MNAT1: variants seen among roughly 807,000 people sequenced by gnomAD.
The protein encoded by MNAT1 is MNAT1 component of CDK activating kinase.
Under a neutral mutation model 42.0 loss-of-function variants are expected in MNAT1, and 43 were observed. That is an observed-to-expected ratio of 1.02 (90% CI 0.80 to 1.32). MNAT1 has a LOEUF of 1.32. Among genes scored for constraint, MNAT1 ranks in the 40% most tolerant of loss-of-function variants. MNAT1 has a pLI of 0.00. For synonymous variants in MNAT1, 118 were observed against 120.0 expected (o/e 0.98, Z 0.11); for missense variants, 306 against 350.4 (o/e 0.87, Z 1.01).
At chr14:60,965,437 GT>G (rs1484688084) in intron 7 of MNAT1, among the ~76,000 whole-genome samples, 1 of 152,170 alleles carries the variant, frequency 6.6e-6, no homozygotes, top group Non-Finnish European at 1.5e-5. Flanking sequence ...AGATGCAACT[GT>G]TTTGAATATT....
In MNAT1 at chr14:60,750,465, C is replaced by T. The variant is rs1158823854; in HGVS notation, c.89+15514C>T. 2.0e-5 allele frequency among the ~76,000 whole-genome samples: 3 copies of T among 149,250 alleles called. No individual in the cohort carries two copies. The Admixed American group carries it at 2.0e-4, about 10-fold the overall frequency. ...CAGGATCGTCTCGATCTCCTGACCT[C>T]GTGATCCGCTTGCCTCGGCCTCCCA... is the stretch of plus-strand genomic sequence containing the variant. On this transcript the variant is annotated intron_variant, in intron 1 of 7. Transcript: ENST00000261245.
chr14:60,943,002 TAGTG>T (rs1401192237), intron 7 of MNAT1, among the ~76,000 whole-genome samples: 1 of 86,966 alleles, frequency 1.1e-5, no homozygotes, highest in Non-Finnish European at 2.2e-5. Flanking sequence ...GAACCACATG[TAGTG>T]TGTGTGTGTG....
intron 6 of MNAT1, among the ~76,000 whole-genome samples, chr14:60,876,496 G>C (rs2034438993): frequency 6.6e-6 from 1 of 151,900 alleles, no homozygotes; most frequent in Non-Finnish European, 1.5e-5. Context: ...CATCCAAATT[G>C]TTCTGCATCT....
At chr14:60,953,164 A>G (rs544013037) in intron 7 of MNAT1, among the ~76,000 whole-genome samples, 22 of 152,334 alleles carry the variant, frequency 1.4e-4, no homozygotes, top group African/African-American at 3.4e-4. Context: ...AATAAAACTT[A>G]TAAGGGTATA....
chr14:60,861,573 T>TGG (rs1566799706), intron 6 of MNAT1, among the ~76,000 whole-genome samples: 1 of 151,976 alleles, frequency 6.6e-6, no homozygotes, highest in East Asian at 1.9e-4. Flanking sequence ...TTAAAAAAAT[T>TGG]TGAAAAGGTC....
chr14:60,835,166 C>T (rs1356781582), intron 6 of MNAT1, among the ~76,000 whole-genome samples: 1 of 152,050 alleles, frequency 6.6e-6, no homozygotes, highest in Non-Finnish European at 1.5e-5. Context: ...GATGGATCTC[C>T]TGAATACAGC....
At chr14:60,830,956 C>T (rs74873777) in intron 6 of MNAT1, among the ~76,000 whole-genome samples, 1,984 of 152,170 alleles carry the variant, frequency 0.013, 44 homozygotes, top group African/African-American at 0.046. Flanking sequence ...GATACATTCC[C>T]ATTCTGTCAG....
chr14:60,866,107 A>G (rs1279575937), intron 6 of MNAT1, among the ~76,000 whole-genome samples: 1 of 152,140 alleles, frequency 6.6e-6, no homozygotes, highest in African/African-American at 2.4e-5. Context: ...AGTAGCAAAA[A>G]TGCCTCTCTT....
intron 6 of MNAT1, among the ~76,000 whole-genome samples, chr14:60,864,210 T>C (rs2034157400): frequency 1.3e-5 from 2 of 151,790 alleles, no homozygotes; most frequent in Non-Finnish European, 2.9e-5. Context: ...ATTTAAAAAG[T>C]ACTTATATAC....
chr14:60,807,997 A>C (rs2032428539), intron 3 of MNAT1, among the ~76,000 whole-genome samples: 1 of 152,118 alleles, frequency 6.6e-6, no homozygotes, highest in Non-Finnish European at 1.5e-5. Context: ...TTTATATTAA[A>C]AAAATTTAAA....
chr14:60,770,737 T>A (rs2031020456), intron 1 of MNAT1, among the ~76,000 whole-genome samples: 1 of 152,184 alleles, frequency 6.6e-6, no homozygotes, highest in South Asian at 2.1e-4. Context: ...GGTTGCGTTA[T>A]TTTATATTTC....
At chr14:60,901,640 T>G (rs1478212805) in intron 7 of MNAT1, among the ~76,000 whole-genome samples, 1 of 152,204 alleles carries the variant, frequency 6.6e-6, no homozygotes, top group East Asian at 1.9e-4. Flanking sequence ...ATCAGCATTA[T>G]CAGGAATTTG....
intron 7 of MNAT1, among the ~76,000 whole-genome samples, chr14:60,955,860 C>T (rs1413403254): frequency 6.6e-6 from 1 of 151,424 alleles, no homozygotes; most frequent in African/African-American, 2.4e-5. Context: ...GTAATATCTC[C>T]TCCTTCATTT....
chr14:60,796,565 C>A (rs1176615476), intron 2 of MNAT1, among the ~76,000 whole-genome samples, 196 bp downstream of exon 2: 1 of 152,078 alleles, frequency 6.6e-6, no homozygotes, highest in Non-Finnish European at 1.5e-5. Context: ...CTTCATTATT[C>A]ATTTGTATTT....
At chr14:60,894,279 T>G (rs2034905834) in intron 7 of MNAT1, among the ~76,000 whole-genome samples, 1 of 149,476 alleles carries the variant, frequency 6.7e-6, no homozygotes, top group Non-Finnish European at 1.5e-5. Flanking sequence ...GCTTGGATGT[T>G]TTTTTTTTTT....
At chr14:60,873,841 A>G (rs1245821446) in intron 6 of MNAT1, among the ~76,000 whole-genome samples, 2 of 152,070 alleles carry the variant, frequency 1.3e-5, no homozygotes, top group African/African-American at 4.8e-5. Context: ...TTTCTCTTTA[A>G]ACATGATTTT....
rs1184229445 is a variant in MNAT1 at position 60,943,028 on chromosome 14, G to GCT, written c.810-25201_810-25200insCT. Among the ~76,000 whole-genome samples the GCT allele has an allele frequency of 2.7e-3, 352 of 131,494 alleles. 13 individuals carry two copies. The highest frequency in any genetic ancestry group is 9.5e-3 in the African/African-American group (326 of 34,168). The allele number at this position is 131,494 out of a possible 152,430, so 86.3% of individuals were successfully genotyped here. On this transcript the variant is annotated intron_variant, in intron 7 of 7. Coordinates refer to ENST00000261245, the MANE Select transcript of MNAT1 (RefSeq NM_002431.4). ...AGTGTGTGTGTGTGTGTGTGTGTGT[G>GCT]TGTGTGTGTGTGTGTGTGTGTGCGC... is the stretch of plus-strand genomic sequence containing the variant.
In MNAT1 at chr14:60,930,202, C is replaced by T. The variant is rs114865257; in HGVS notation, c.810-38027C>T. ...TCTTTATTACTAAAGATTCTTCTTC[C>T]GTCTTTATTATTATTATTATTATTA... On this transcript the variant is annotated intron_variant, in intron 7 of 7. Transcript: ENST00000261245. 4.9e-3 allele frequency among the ~76,000 whole-genome samples: 472 copies of T among 97,302 alleles called. 1 individual carries two copies. The highest frequency in any genetic ancestry group is 0.016 in the African/African-American group (440 of 27,352). The allele number at this position is 97,302 out of a possible 152,430, so 63.8% of individuals were successfully genotyped here.
At chr14:60,761,402 T>A (rs2030594407) in intron 1 of MNAT1, among the ~76,000 whole-genome samples, 1 of 152,218 alleles carries the variant, frequency 6.6e-6, no homozygotes, top group Non-Finnish European at 1.5e-5. Flanking sequence ...CTTTGAACAG[T>A]GTTCTCTAAG....
Sources: gnomAD v4.1 joint callset for allele counts (sites outside exome capture counted in the v4.1 genomes callset) on GRCh38, gnomAD v4.1.1 for gene constraint, MANE v1.5 for transcripts, NCBI Gene and HGNC (gene_info 2026-07-23, HGNC 2026-07-21) for gene names.